The following CLIP2 variants were observed in gnomAD, a reference collection of about 807,000 sequenced individuals.
The protein encoded by CLIP2 is CAP-Gly domain containing linker protein 2, also known as CAP-Gly domain-containing linker protein 2.
CLIP2 carries 41 observed loss-of-function variants against 111.7 expected under a neutral mutation model. The observed-to-expected ratio is 0.37, with a 90% CI of 0.29 to 0.48. The LOEUF (loss-of-function observed/expected upper bound fraction) is 0.48, where lower values mean the gene tolerates loss of function less well. CLIP2 is among the 20% of genes least tolerant of loss of function. The probability of loss-of-function intolerance (pLI) is 0.99; values close to 1 mark genes in which losing one functional copy is unlikely to be tolerated. For missense variants in CLIP2, 1,160 were observed against 1,422.1 expected, an observed-to-expected ratio of 0.82 and a Z score of 2.96; for synonymous variants, 660 against 644.2, an observed-to-expected ratio of 1.02 and a Z score of -0.37.
intron 15 of CLIP2, 90 bp from the exon 16 acceptor site, chr7:74,401,415 C>T (rs903357996): frequency 2.1e-5 from 26 of 1,267,574 alleles, no homozygotes; most frequent in African/African-American, 1.0e-4. Context: ...GAGCCTGAGA[C>T]GGTCCCATGG....
intron 3 of CLIP2, among the ~76,000 whole-genome samples, chr7:74,348,402 C>T (rs1213045278): frequency 6.6e-6 from 1 of 151,988 alleles, no homozygotes; most frequent in East Asian, 1.9e-4. Context: ...ATACCTGTAA[C>T]CCCAGTGCGT....
At position 74,399,238 on chromosome 7, in the gene CLIP2, G is replaced by T. The variant is rs930967897; in HGVS notation, c.2881-1132G>T. On this transcript the variant is annotated intron_variant, in intron 14 of 16. Transcript: ENST00000223398. The stretch of plus-strand genomic sequence containing the variant: ...AACCTCATAAGACAGTTGGGTGGGG[G>T]CAGTGTAAGAAGAAGGGTGCTGGGT... Among the ~76,000 whole-genome samples, 14 of 150,712 alleles carry T rather than the reference G, an allele frequency of 9.3e-5. No individual in the cohort carries two copies. In the South Asian group the frequency reaches 1.1e-3, roughly 11 times the overall value.
chr7:74,405,125 C>G lies in CLIP2; in HGVS notation c.*1277C>G, dbSNP rs1791736359. 2 of 152,356 alleles carry G rather than the reference C, an allele frequency of 1.3e-5. No individual in the cohort carries two copies. The highest frequency in any genetic ancestry group is 4.1e-4 in the South Asian group (2 of 4,826). The allele number at this position is 152,356 out of a possible 1,614,324, so 9.4% of individuals were successfully genotyped here. On this transcript the variant is annotated 3_prime_UTR_variant, in exon 17 of 17. Coordinates refer to ENST00000223398, the MANE Select transcript of CLIP2 (RefSeq NM_003388.5). ...AAATCTAACTGCGCTCCCCCAACCC[C>G]TCGCCCTGCCATCTTCCCCTCAAGC...
intron 9 of CLIP2, among the ~76,000 whole-genome samples, chr7:74,375,546 C>CAAAA (rs34885959): frequency 4.8e-4 from 16 of 33,178 alleles, no homozygotes; most frequent in African/African-American, 1.1e-3. Flanking sequence ...GAGCGAGACT[C>CAAAA]AAAAAAAAAA....
intron 7 of CLIP2, among the ~76,000 whole-genome samples, chr7:74,362,255 A>T (rs1186323650): frequency 6.6e-6 from 1 of 152,026 alleles, no homozygotes; most frequent in African/African-American, 2.4e-5. Flanking sequence ...TTGGCCTGGG[A>T]TCCTCTCTAC....
intron 3 of CLIP2, among the ~76,000 whole-genome samples, chr7:74,347,950 C>T (rs1481924814): frequency 3.3e-5 from 5 of 151,954 alleles, no homozygotes; most frequent in Non-Finnish European, 5.9e-5. Flanking sequence ...GAGGCCAAGA[C>T]GGGCGGATCA....
chr7:74,351,152 A>AG (rs1554307466), intron 3 of CLIP2, among the ~76,000 whole-genome samples: 4 of 150,338 alleles, frequency 2.7e-5, no homozygotes, highest in Non-Finnish European at 5.9e-5. Context: ...AGAGAGAGAG[A>AG]AAGAAAGAGA....
intron 2 of CLIP2, among the ~76,000 whole-genome samples, chr7:74,326,705 C>T (rs781886642): frequency 1.3e-5 from 2 of 151,440 alleles, no homozygotes; most frequent in African/African-American, 2.4e-5. Context: ...GGCGCAATCT[C>T]GACTCACTGC....
chr7:74,341,003 G>A (rs1302690846), intron 3 of CLIP2, among the ~76,000 whole-genome samples: 2 of 152,104 alleles, frequency 1.3e-5, no homozygotes, highest in Non-Finnish European at 2.9e-5. Context: ...CTGAGAACCT[G>A]GCAAAGGTTT....
chr7:74,389,108 G>C lies in CLIP2; in HGVS notation c.2569G>C (p.Glu857Gln). The change falls in exon 13 of 17, where the codon GAG (glutamate) becomes CAG (glutamine). Residue 857 changes from glutamate (E) to glutamine (Q), a missense_variant. Physicochemically the swap from Glu to Gln is conservative, Grantham distance 29 (BLOSUM62 2). Transcript: ENST00000223398. ...EMLRAQVSAL[E>Q]SKCKSGEKKV... Reference sequence around the variant, plus strand: ...TCCCTGCCGGCTGACCCCAGCGCTGGAGAGCAAGTGTAAGTCAGGCGAGAA... The same window carrying C: ...TCCCTGCCGGCTGACCCCAGCGCTGCAGAGCAAGTGTAAGTCAGGCGAGAA... 1.9e-6 allele frequency: 3 copies of C among 1,609,834 alleles called. No individual in the cohort carries two copies. Among genetic ancestry groups the C allele is most frequent in the Non-Finnish European group, 2.5e-6 (3 of 1,178,426 alleles).
intron 2 of CLIP2, among the ~76,000 whole-genome samples, chr7:74,328,030 G>A (rs1025082331): frequency 6.6e-6 from 1 of 152,208 alleles, no homozygotes; most frequent in African/African-American, 2.4e-5. Flanking sequence ...TCAGGACGGT[G>A]TGGGCTGCTG....
Position 74,372,406 on chromosome 7 carries a change from G to GA in CLIP2, c.1381-526_1381-525insA, listed in dbSNP as rs1414482965. ...TTGCACTTTTAGCACAGGCCTTGGGGGGGGGGGGGAGTCGAGCGGGAATCC... is the reference window on the plus strand; with the variant it reads ...TTGCACTTTTAGCACAGGCCTTGGGGAGGGGGGGGGAGTCGAGCGGGAATCC... On this transcript the variant is annotated intron_variant, in intron 8 of 16. Transcript: ENST00000223398. Among the ~76,000 whole-genome samples the GA allele has an allele frequency of 1.7e-4, 26 of 148,706 alleles. 1 individual carries two copies. The highest frequency in any genetic ancestry group is 6.2e-4 in the African/African-American group (25 of 40,518).
Position 74,397,658 on chromosome 7 carries a change from T to G in CLIP2, c.2880+425T>G, listed in dbSNP as rs566100515. On this transcript the variant is annotated intron_variant, in intron 14 of 16. Coordinates refer to ENST00000223398, the MANE Select transcript of CLIP2 (RefSeq NM_003388.5). ...AAGCCTGGGATTCTGGGTGGCTGAGTTTTTTTTGTTTTTTTTTTTTTTTTT... is the reference window on the plus strand; with the variant it reads ...AAGCCTGGGATTCTGGGTGGCTGAGGTTTTTTTGTTTTTTTTTTTTTTTTT... Among the ~76,000 whole-genome samples, 13 of 74,394 alleles carry G rather than the reference T, an allele frequency of 1.7e-4. No homozygotes were observed. In the East Asian group the frequency reaches 4.2e-3, roughly 24 times the overall value. 48.8% of individuals were successfully genotyped at this position (74,394 alleles called of 152,430 possible).
intron 6 of CLIP2, 148 bp downstream of exon 6, chr7:74,357,625 G>A (rs1405524630): frequency 1.2e-5 from 8 of 690,090 alleles, no homozygotes; most frequent in African/African-American, 5.4e-5. Context: ...CCAGAGATAA[G>A]CCTCAGTGAC....
Position 74,404,058 on chromosome 7 carries a change from G to A in CLIP2, c.*210G>A. Reference sequence around the variant, plus strand: ...TCAAGCCCAGCCTTCTACAGAGAGTGTGAACGGTACAGCCCCGGCCTGACC... The same window carrying A: ...TCAAGCCCAGCCTTCTACAGAGAGTATGAACGGTACAGCCCCGGCCTGACC... On this transcript the variant is annotated 3_prime_UTR_variant, in exon 17 of 17. Transcript: ENST00000223398. The A allele has an allele frequency of 1.6e-6, 1 of 622,196 alleles. No homozygotes were observed. Among genetic ancestry groups the A allele is most frequent in the South Asian group, 1.7e-5 (1 of 57,784 alleles). The allele number at this position is 622,196 out of a possible 1,614,324, so 38.5% of individuals were successfully genotyped here.
At chr7:74,388,042 G>A (rs1317154651) in intron 12 of CLIP2, among the ~76,000 whole-genome samples, 2 of 152,098 alleles carry the variant, frequency 1.3e-5, no homozygotes, top group Non-Finnish European at 2.9e-5. Context: ...ACAAAAATTT[G>A]GCCGGGGCTG....
chr7:74,324,536 T>G (rs1189943119), intron 2 of CLIP2, among the ~76,000 whole-genome samples: 2 of 151,986 alleles, frequency 1.3e-5, no homozygotes, highest in East Asian at 3.9e-4. Flanking sequence ...CTCAAAGCTG[T>G]CCCAGAGAGA....
chr7:74,393,427 C>CTTGAA (rs1791352701), intron 13 of CLIP2, among the ~76,000 whole-genome samples: 2 of 150,496 alleles, frequency 1.3e-5, no homozygotes, highest in Non-Finnish European at 3.0e-5. Context: ...ACCTCCACCT[C>CTTGAA]CTAGGTTCAA....
At chr7:74,390,418 C>T (rs1363780179) in intron 13 of CLIP2, among the ~76,000 whole-genome samples, 1 of 152,052 alleles carries the variant, frequency 6.6e-6, no homozygotes, top group Admixed American at 6.6e-5. Flanking sequence ...ACTTGTAATC[C>T]CAGCACTTTA....
Sources: gnomAD v4.1 joint callset for allele counts (sites outside exome capture counted in the v4.1 genomes callset) on GRCh38, gnomAD v4.1.1 for gene constraint, MANE v1.5 for transcripts, NCBI Gene and HGNC (gene_info 2026-07-23, HGNC 2026-07-21) for gene names.